The following CNTNAP2 variants were observed in gnomAD, a reference collection of about 807,000 sequenced individuals.
CNTNAP2 encodes contactin associated protein 2.
In CNTNAP2, 98 loss-of-function variants were observed where a neutral mutation model predicts 155.2. That is an observed-to-expected ratio of 0.63 (90% CI 0.54 to 0.75). The LOEUF (loss-of-function observed/expected upper bound fraction) is 0.75. Ranked by LOEUF, CNTNAP2 falls within the 30% of genes least tolerant of loss-of-function variation. The probability of loss-of-function intolerance (pLI) is 0.00; values close to 1 mark genes in which losing one functional copy is unlikely to be tolerated. For missense variants in CNTNAP2, 1,727 were observed against 1,688.1 expected, an observed-to-expected ratio of 1.02 and a Z score of -0.40; for synonymous variants, 651 against 631.2, an observed-to-expected ratio of 1.03 and a Z score of -0.47.
chr7:147,509,410 A>T (rs1452299277), intron 11 of CNTNAP2, among the ~76,000 whole-genome samples: 2 of 152,232 alleles, frequency 1.3e-5, no homozygotes, highest in African/African-American at 4.8e-5. Context: ...TGGAAATTCC[A>T]TATATCCAGC....
chr7:147,813,095 A>G (rs1798207492), intron 13 of CNTNAP2, among the ~76,000 whole-genome samples: 1 of 151,844 alleles, frequency 6.6e-6, no homozygotes, highest in Non-Finnish European at 1.5e-5. Context: ...CTATTTGAAA[A>G]TAGTTTCAAA....
At position 148,147,658 on chromosome 7, in the gene CNTNAP2, G is replaced by A. The variant is rs775673213; in HGVS notation, c.2722G>A (p.Ala908Thr). ...VDRLPQQIRK[A>T]PTEGHTRLEL... ...CCGGCTACCGCAGCAGATCCGCAAG[G>A]CCCCAACAGAAGGCCACACCCGCCT... Residue 908 changes from alanine (A) to threonine (T), a missense_variant, in exon 17 of 24, where the codon GCC (alanine) becomes ACC (threonine). Transcript: ENST00000361727. The A allele has an allele frequency of 6.2e-7, 1 of 1,613,858 alleles. No homozygotes were observed. The highest frequency in any genetic ancestry group is 1.3e-5 in the African/African-American group (1 of 74,930).
intron 3 of CNTNAP2, among the ~76,000 whole-genome samples, chr7:146,929,111 T>G (rs1184363261): frequency 6.6e-6 from 1 of 152,270 alleles, no homozygotes; most frequent in Admixed American, 6.5e-5. Context: ...CAGCTGGAGA[T>G]TTGAGAATGG....
chr7:148,269,417 A>G (rs1283021219), intron 21 of CNTNAP2, among the ~76,000 whole-genome samples: 2 of 152,218 alleles, frequency 1.3e-5, no homozygotes, highest in Admixed American at 6.5e-5. Context: ...TACAGATCTT[A>G]TCACCACTTT....
At chr7:147,391,536 T>C (rs757559574) in intron 9 of CNTNAP2, among the ~76,000 whole-genome samples, 20 of 152,148 alleles carry the variant, frequency 1.3e-4, no homozygotes, top group Non-Finnish European at 2.5e-4. Flanking sequence ...CTATGAATTT[T>C]ATTCAGGTTT....
intron 13 of CNTNAP2, among the ~76,000 whole-genome samples, chr7:147,837,749 A>G (rs916530159): frequency 1.3e-5 from 2 of 152,216 alleles, no homozygotes; most frequent in Non-Finnish European, 2.9e-5. Flanking sequence ...TGCAAGTCCA[A>G]AATCCAGCAG....
chr7:146,549,105 G>C (rs372326131), intron 1 of CNTNAP2, among the ~76,000 whole-genome samples: 1 of 141,968 alleles, frequency 7.0e-6, no homozygotes, highest in South Asian at 2.3e-4. Flanking sequence ...AACAACATTT[G>C]TTAAAGAGAC....
intron 13 of CNTNAP2, among the ~76,000 whole-genome samples, chr7:147,808,448 T>C (rs549519287): frequency 8.5e-5 from 13 of 152,190 alleles, no homozygotes; most frequent in African/African-American, 3.1e-4. Context: ...TCAAATTACC[T>C]TATTCTTTCT....
chr7:148,279,358 C>A (rs551501620), intron 21 of CNTNAP2, among the ~76,000 whole-genome samples: 1 of 152,290 alleles, frequency 6.6e-6, no homozygotes, highest in Admixed American at 6.5e-5. Flanking sequence ...TAGGAACACA[C>A]TGAAGTCAGA....
At chr7:146,957,359 A>G (rs894725205) in intron 3 of CNTNAP2, among the ~76,000 whole-genome samples, 8 of 152,150 alleles carry the variant, frequency 5.3e-5, no homozygotes, top group African/African-American at 1.9e-4. Flanking sequence ...CTATGGAATC[A>G]CCATCATATA....
chr7:147,680,001 T>C (rs1188970127), intron 13 of CNTNAP2, among the ~76,000 whole-genome samples: 5 of 151,890 alleles, frequency 3.3e-5, no homozygotes, highest in Admixed American at 3.3e-4. Context: ...TGGTTACAGA[T>C]TCCAAATTTC....
chr7:146,949,325 A>T (rs748221715), intron 3 of CNTNAP2, among the ~76,000 whole-genome samples: 42 of 152,062 alleles, frequency 2.8e-4, no homozygotes, highest in Non-Finnish European at 4.9e-4. Context: ...CTCAGATCGC[A>T]CTCTTCCAGC....
In CNTNAP2 at chr7:148,206,335, T is replaced by G. The variant is rs150206395; in HGVS notation, c.3011-10953T>G. 1.3e-3 allele frequency among the ~76,000 whole-genome samples: 189 copies of G among 150,152 alleles called. 4 individuals carry two copies. In the East Asian group the frequency reaches 0.034, roughly 27 times the overall value. ...ATTTAAATTTTGACTACCATTTGTATTATATCTAAATATAACATATTTAAT... is the reference window on the plus strand; with the variant it reads ...ATTTAAATTTTGACTACCATTTGTAGTATATCTAAATATAACATATTTAAT... On this transcript the variant is annotated intron_variant, in intron 18 of 23. Coordinates refer to ENST00000361727, the MANE Select transcript of CNTNAP2 (RefSeq NM_014141.6).
intron 15 of CNTNAP2, among the ~76,000 whole-genome samples, chr7:148,076,859 G>C (rs80082631): frequency 6.6e-6 from 1 of 152,086 alleles, no homozygotes; most frequent in South Asian, 2.1e-4. Context: ...GTGAATGTTA[G>C]CAATCTATTT....
Position 148,420,247 on chromosome 7 carries a change from A to G in CNTNAP2, c.*4631A>G, listed in dbSNP as rs2116740158. On this transcript the variant is annotated 3_prime_UTR_variant, in exon 24 of 24. Coordinates refer to ENST00000361727, the MANE Select transcript of CNTNAP2 (RefSeq NM_014141.6). ...CCTACTCTCACACATGCCCTCAAAC[A>G]TGCTAGATTGGCTTATACATAGGCC... The G allele has an allele frequency of 6.6e-6, 1 of 152,354 alleles. No homozygotes were observed. The highest frequency in any genetic ancestry group is 2.1e-4 in the South Asian group (1 of 4,826). The allele number at this position is 152,354 out of a possible 1,614,324, so 9.4% of individuals were successfully genotyped here. A position where few individuals can be genotyped will look rare whatever the true frequency, so the allele number is the denominator to read the frequency against.
chr7:147,126,159 G>A (rs1801229988), intron 6 of CNTNAP2, among the ~76,000 whole-genome samples: 1 of 152,144 alleles, frequency 6.6e-6, no homozygotes, highest in Admixed American at 6.5e-5. Context: ...ATTGACTGGG[G>A]AGCAATGTGC....
chr7:148,061,910 GATAAACAGAT>G lies in CNTNAP2; in HGVS notation c.2384-56204_2384-56195del, dbSNP rs1377128003. On this transcript the variant is annotated intron_variant, in intron 15 of 23. Coordinates refer to ENST00000361727, the MANE Select transcript of CNTNAP2 (RefSeq NM_014141.6). Reference sequence around the variant, plus strand: ...AGATAGATAGATAGATAGATAGATAGATAAACAGATATAGATAGATAGATAGATAGATAGA... The same window carrying G: ...AGATAGATAGATAGATAGATAGATAGATAGATAGATAGATAGATAGATAGA... Among the ~76,000 whole-genome samples, 395 of 108,488 alleles carry G rather than the reference GATAAACAGAT, an allele frequency of 3.6e-3. 6 individuals are homozygous for G. Among genetic ancestry groups the G allele is most frequent in the East Asian group, 0.016 (40 of 2,540 alleles). The allele number at this position is 108,488 out of a possible 152,430, so 71.2% of individuals were successfully genotyped here. A position where few individuals can be genotyped will look rare whatever the true frequency, so the allele number is the denominator to read the frequency against.
At chr7:146,977,062 A>C (rs1346374515) in intron 3 of CNTNAP2, among the ~76,000 whole-genome samples, 1 of 152,162 alleles carries the variant, frequency 6.6e-6, no homozygotes, top group Non-Finnish European at 1.5e-5. Flanking sequence ...TTTGCTCCTG[A>C]GGTCTAAAGA....
intron 1 of CNTNAP2, among the ~76,000 whole-genome samples, chr7:146,378,871 G>A (rs1795342130): frequency 6.6e-6 from 1 of 152,180 alleles, no homozygotes; most frequent in Non-Finnish European, 1.5e-5. Flanking sequence ...AATCATTTTA[G>A]GTCCCAAAGC....
Sources: gnomAD v4.1 joint callset for allele counts (sites outside exome capture counted in the v4.1 genomes callset) on GRCh38, gnomAD v4.1.1 for gene constraint, MANE v1.5 for transcripts, NCBI Gene and HGNC (gene_info 2026-07-23, HGNC 2026-07-21) for gene names.